The following ARHGAP24 variants were observed in gnomAD, a reference collection of about 807,000 sequenced individuals.
The protein encoded by ARHGAP24 is Rho GTPase activating protein 24.
In ARHGAP24, 50 loss-of-function variants were observed where a neutral mutation model predicts 76.4. That is an observed-to-expected ratio of 0.65 (90% CI 0.52 to 0.83). ARHGAP24 has a LOEUF of 0.83. Among genes scored for constraint, ARHGAP24 ranks in the 40% least tolerant of loss-of-function variants. The pLI, the probability that ARHGAP24 is intolerant of heterozygous loss-of-function variation, is 0.00. For synonymous variants in ARHGAP24, 345 were observed against 323.3 expected (o/e 1.07, Z -0.72); for missense variants, 930 against 914.2 (o/e 1.02, Z -0.22).
chr4:85,787,357 G>T (rs186853525), intron 3 of ARHGAP24, among the ~76,000 whole-genome samples: 9 of 152,240 alleles, frequency 5.9e-5, no homozygotes, highest in Non-Finnish European at 1.0e-4. Flanking sequence ...TTCACCATTT[G>T]TTGGAGTTTC....
chr4:85,665,143 G>T (rs1289880076), intron 2 of ARHGAP24, among the ~76,000 whole-genome samples: 1 of 152,074 alleles, frequency 6.6e-6, no homozygotes, highest in African/African-American at 2.4e-5. Flanking sequence ...TATTGTGTGG[G>T]AGTCTAAGTT....
At chr4:85,565,237 G>T (rs1279674556) in intron 1 of ARHGAP24, among the ~76,000 whole-genome samples, 1 of 151,784 alleles carries the variant, frequency 6.6e-6, no homozygotes, top group Non-Finnish European at 1.5e-5. Flanking sequence ...GTAAATATTG[G>T]CTCTCTGCAG....
At chr4:85,864,492 G>A (rs61073413) in intron 3 of ARHGAP24, among the ~76,000 whole-genome samples, 4,955 of 152,060 alleles carry the variant, frequency 0.033, 311 homozygotes, top group African/African-American at 0.11. Flanking sequence ...CTTGAATTCC[G>A]TATCTTCTAA....
intron 2 of ARHGAP24, among the ~76,000 whole-genome samples, chr4:85,706,183 G>T (rs1379954769): frequency 2.0e-5 from 3 of 152,162 alleles, no homozygotes; most frequent in Non-Finnish European, 4.4e-5. Flanking sequence ...ACTACTTTAT[G>T]TGATGTGTAG....
At chr4:85,693,582 G>A (rs1455485178) in intron 2 of ARHGAP24, among the ~76,000 whole-genome samples, 1 of 152,210 alleles carries the variant, frequency 6.6e-6, no homozygotes, top group Admixed American at 6.5e-5. Flanking sequence ...CACCAGGTGT[G>A]CTGGGAGGTC....
intron 2 of ARHGAP24, among the ~76,000 whole-genome samples, chr4:85,716,234 C>CAG (rs1724729096): frequency 6.6e-6 from 1 of 152,064 alleles, no homozygotes; most frequent in Non-Finnish European, 1.5e-5. Flanking sequence ...GGTTTTGGCT[C>CAG]AGTGATCTGG....
intron 2 of ARHGAP24, among the ~76,000 whole-genome samples, chr4:85,617,742 T>C (rs914634214): frequency 2.0e-5 from 3 of 152,204 alleles, no homozygotes; most frequent in African/African-American, 7.2e-5. Flanking sequence ...TGGAAAATAA[T>C]TTTTAATTAT....
chr4:85,993,043 A>G (rs1254083368), intron 8 of ARHGAP24, among the ~76,000 whole-genome samples: 1 of 151,792 alleles, frequency 6.6e-6, no homozygotes, highest in East Asian at 1.9e-4. Flanking sequence ...CTAACCCTCA[A>G]TTTTCTCATC....
chr4:85,671,634 A>C (rs1722818425), intron 2 of ARHGAP24, among the ~76,000 whole-genome samples: 1 of 152,154 alleles, frequency 6.6e-6, no homozygotes, highest in African/African-American at 2.4e-5. Flanking sequence ...TGTTAAGAAT[A>C]TGCTTCTTTT....
At chr4:85,983,854 A>G (rs1739830528) in intron 8 of ARHGAP24, among the ~76,000 whole-genome samples, 1 of 152,168 alleles carries the variant, frequency 6.6e-6, no homozygotes, top group South Asian at 2.1e-4. Flanking sequence ...CTCTTTTCTT[A>G]TTCATTCTCC....
At chr4:85,615,744 G>T (rs1720519320) in intron 2 of ARHGAP24, among the ~76,000 whole-genome samples, 6 of 152,182 alleles carry the variant, frequency 3.9e-5, no homozygotes, top group Admixed American at 3.9e-4. Context: ...ACTGTAGTAT[G>T]AATTGTGAAT....
At chr4:85,722,801 T>C (rs1725005216) in intron 3 of ARHGAP24, among the ~76,000 whole-genome samples, 1 of 152,114 alleles carries the variant, frequency 6.6e-6, no homozygotes, top group Non-Finnish European at 1.5e-5. Flanking sequence ...CAGTCTAGGG[T>C]GGATGTGAAT....
At chr4:85,963,244 G>T (rs1377180973) in intron 5 of ARHGAP24, among the ~76,000 whole-genome samples, 1 of 151,880 alleles carries the variant, frequency 6.6e-6, no homozygotes, top group Non-Finnish European at 1.5e-5. Flanking sequence ...GGGTTTTTTT[G>T]TAAGTTTGGG....
rs1000443999 is a variant in ARHGAP24, at chr4:85,581,673, A to C, written c.180+10952A>C. Among the ~76,000 whole-genome samples, 73 of 152,260 alleles carry C rather than the reference A, an allele frequency of 4.8e-4. 2 individuals carry two copies. Among genetic ancestry groups the C allele is most frequent in the Admixed American group, 4.2e-3 (64 of 15,282 alleles). ...GAAGGCAGAAAACATTAGCAGTAAG[A>C]TTCTAGTACAATTTTTGAACAGTTT... is the stretch of plus-strand genomic sequence containing the variant. On this transcript the variant is annotated intron_variant, in intron 2 of 9. Coordinates refer to ENST00000395184, the MANE Select transcript of ARHGAP24 (RefSeq NM_001025616.3).
intron 2 of ARHGAP24, among the ~76,000 whole-genome samples, chr4:85,581,210 CATA>C (rs765587965): frequency 4.6e-5 from 7 of 151,980 alleles, no homozygotes; most frequent in Non-Finnish European, 1.0e-4. Flanking sequence ...TAAAATATAG[CATA>C]ATAAGCATTA....
intron 2 of ARHGAP24, among the ~76,000 whole-genome samples, chr4:85,578,058 G>A (rs1272477876): frequency 5.3e-5 from 8 of 152,084 alleles, no homozygotes; most frequent in Non-Finnish European, 7.4e-5. Flanking sequence ...ATTTTTCTTG[G>A]TTTATTAGAC....
chr4:85,801,110 A>G (rs1408831463), intron 3 of ARHGAP24, among the ~76,000 whole-genome samples: 1 of 152,168 alleles, frequency 6.6e-6, no homozygotes, highest in East Asian at 1.9e-4. Context: ...TAAACTATCT[A>G]TAGTTTTATA....
chr4:85,958,971 A>T (rs1044339680), intron 5 of ARHGAP24, among the ~76,000 whole-genome samples: 1 of 152,164 alleles, frequency 6.6e-6, no homozygotes, highest in African/African-American at 2.4e-5. Flanking sequence ...TTCATCTGTT[A>T]TGGGAAAAGG....
At chr4:85,894,099 TAAAA>T (rs11394803) in intron 3 of ARHGAP24, among the ~76,000 whole-genome samples, 1 of 131,352 alleles carries the variant, frequency 7.6e-6, no homozygotes, top group Non-Finnish European at 1.6e-5. Flanking sequence ...TAGAGTATAA[TAAAA>T]AAAAAAAAAA....
Sources: gnomAD v4.1 joint callset for allele counts (sites outside exome capture counted in the v4.1 genomes callset) on GRCh38, gnomAD v4.1.1 for gene constraint, MANE v1.5 for transcripts, NCBI Gene and HGNC (gene_info 2026-07-23, HGNC 2026-07-21) for gene names.